The following SYT17 variants were observed in gnomAD, a reference collection of about 807,000 sequenced individuals.
SYT17 encodes the protein synaptotagmin-17.
SYT17 carries 22 observed loss-of-function variants against 46.7 expected under a neutral mutation model. The ratio of observed to expected loss-of-function variants is 0.47; its 90% CI spans 0.34 to 0.67. SYT17 has a LOEUF of 0.67. Among genes scored for constraint, SYT17 ranks in the 30% least tolerant of loss-of-function variants. The pLI is 0.01. For missense variants in SYT17, 519 were observed against 612.8 expected, an observed-to-expected ratio of 0.85 and a Z score of 1.62; for synonymous variants, 251 against 248.4, an observed-to-expected ratio of 1.01 and a Z score of -0.10.
At chr16:19,211,154 C>T (rs183579378) in intron 5 of SYT17, 9 of 389,094 alleles carry the variant, frequency 2.3e-5, no homozygotes, top group African/African-American at 6.2e-5. Context: ...CCAAATTAAG[C>T]GCATCGGGCT....
intron 7 of SYT17, among the ~76,000 whole-genome samples, chr16:19,228,558 A>T (rs1271690869): frequency 6.6e-6 from 1 of 152,210 alleles, no homozygotes; most frequent in Non-Finnish European, 1.5e-5. Context: ...GACTAGGCTG[A>T]GGCACTGAGC....
At chr16:19,178,790 A>T (rs1177559662) in intron 3 of SYT17, among the ~76,000 whole-genome samples, 1 of 152,182 alleles carries the variant, frequency 6.6e-6, no homozygotes, top group Non-Finnish European at 1.5e-5. Context: ...TAGCAGCATC[A>T]GTCTCAAAAC....
At chr16:19,249,832 C>A in intron 7 of SYT17, 1 of 1,156,550 alleles carries the variant, frequency 8.6e-7, no homozygotes, top group Non-Finnish European at 1.2e-6. Flanking sequence ...TTATTGGAGT[C>A]ATTGGGATAA....
chr16:19,226,081 T>C (rs1382997511), intron 7 of SYT17, among the ~76,000 whole-genome samples: 1 of 152,142 alleles, frequency 6.6e-6, no homozygotes, highest in African/African-American at 2.4e-5. Flanking sequence ...TGTACTTCCC[T>C]ATATCATTGC....
Position 19,183,465 on chromosome 16 carries a change from G to T in SYT17, c.332-63G>T. On this transcript the variant is annotated intron_variant, in intron 4 of 7. Coordinates refer to ENST00000355377, the MANE Select transcript of SYT17 (RefSeq NM_016524.4). This position sits in a 1 kb window ranked among gnomAD's most constrained non-coding sequence, Gnocchi z 5.6. ...AAACAATGCAAGAATCTGCTTACCT[G>T]CAAAGTGGCCCAGGTCTGCCCCGTA... 1 of 1,588,584 alleles carries T rather than the reference G, an allele frequency of 6.3e-7. No individual in the cohort carries two copies. Among genetic ancestry groups the T allele is most frequent in the South Asian group, 1.1e-5 (1 of 88,276 alleles).
chr16:19,221,186 CA>C (rs575577083), intron 5 of SYT17, among the ~76,000 whole-genome samples: 3,800 of 62,922 alleles, frequency 0.06, 31 homozygotes, highest in Non-Finnish European at 0.076. Flanking sequence ...GACCTTGTCT[CA>C]AAAAAAAAAA....
At chr16:19,213,746 C>T (rs1022971361) in intron 5 of SYT17, among the ~76,000 whole-genome samples, 2 of 151,532 alleles carry the variant, frequency 1.3e-5, no homozygotes, top group African/African-American at 4.9e-5. Context: ...CCCAGGCTGG[C>T]CTCAAACTCC....
At chr16:19,215,485 C>A (rs1414098268) in intron 5 of SYT17, among the ~76,000 whole-genome samples, 1 of 152,138 alleles carries the variant, frequency 6.6e-6, no homozygotes, top group Non-Finnish European at 1.5e-5. Flanking sequence ...TATCATAGTT[C>A]ACTGCAGCCT....
intron 7 of SYT17, among the ~76,000 whole-genome samples, chr16:19,258,053 C>T (rs545092766): frequency 1.3e-5 from 2 of 152,104 alleles, no homozygotes; most frequent in South Asian, 4.2e-4. Flanking sequence ...ACTAAATTAG[C>T]GACCAAATAA....
chr16:19,206,388 G>A lies in SYT17; in HGVS notation c.952-16657G>A, dbSNP rs559570016. 5.9e-5 allele frequency among the ~76,000 whole-genome samples: 9 copies of A among 152,324 alleles called. No individual in the cohort carries two copies. The East Asian group carries it at 1.2e-3, about 20-fold the overall frequency. On this transcript the variant is annotated intron_variant, in intron 5 of 7. Coordinates refer to ENST00000355377, the MANE Select transcript of SYT17 (RefSeq NM_016524.4). ...GGAGGAAAGGAATGAGGCTCAGAGA[G>A]GTTCAGCGGCATGGCTGAGGTCACA...
In SYT17 at chr16:19,240,910, G is replaced by A. The variant is rs576743162; in HGVS notation, c.1228+16072G>A. 1.5e-3 allele frequency among the ~76,000 whole-genome samples: 228 copies of A among 151,736 alleles called. 1 individual carries two copies. Among genetic ancestry groups the A allele is most frequent in the African/African-American group, 5.2e-3 (214 of 41,416 alleles). On this transcript the variant is annotated intron_variant, in intron 7 of 7. Coordinates refer to ENST00000355377, the MANE Select transcript of SYT17 (RefSeq NM_016524.4). ...CACTACCCCAAGCATGTGCACACCC[G>A]GCCAGGCTGCCACAGCACCTAGGCT...
chr16:19,264,704 A>G (rs1285249645), intron 7 of SYT17, among the ~76,000 whole-genome samples: 1 of 150,848 alleles, frequency 6.6e-6, no homozygotes, highest in Non-Finnish European at 1.5e-5. Flanking sequence ...TGATCCTCCC[A>G]CCTCAGCCTC....
intron 7 of SYT17, among the ~76,000 whole-genome samples, chr16:19,256,437 A>AACACAAACACAC (rs1318319831): frequency 1.6e-5 from 2 of 128,978 alleles, no homozygotes; most frequent in Non-Finnish European, 3.2e-5. Context: ...CCCCTCTTCA[A>AACACAAACACAC]ACACACACAC....
At chr16:19,170,051 GC>G (rs1964021341) in intron 1 of SYT17, 1 of 152,184 alleles carries the variant, frequency 6.6e-6, no homozygotes, top group African/African-American at 2.4e-5. Flanking sequence ...ATCTCATATG[GC>G]GATGACCCAG....
intron 3 of SYT17, chr16:19,180,098 GGC>G: frequency 3.2e-6 from 1 of 312,138 alleles, no homozygotes; most frequent in African/African-American, 2.1e-5. Context: ...GCCCCCACGT[GGC>G]GACAGCTTAA....
At chr16:19,262,295 T>C (rs1301037207) in intron 7 of SYT17, among the ~76,000 whole-genome samples, 1 of 152,204 alleles carries the variant, frequency 6.6e-6, no homozygotes, top group Non-Finnish European at 1.5e-5. Context: ...GGTGCCCTTA[T>C]AACAGAAACC....
chr16:19,194,817 C>T (rs547913476), intron 5 of SYT17, among the ~76,000 whole-genome samples: 63 of 152,212 alleles, frequency 4.1e-4, no homozygotes, highest in African/African-American at 1.4e-3. Context: ...AGGCTGGTCT[C>T]GAACTCCTGA....
intron 7 of SYT17, among the ~76,000 whole-genome samples, chr16:19,252,842 A>G (rs1225329315): frequency 6.6e-6 from 1 of 151,958 alleles, no homozygotes; most frequent in East Asian, 1.9e-4. Flanking sequence ...CCCCTCCCCC[A>G]TCACTATAGT....
chr16:19,199,709 C>A (rs1240437035), intron 5 of SYT17, among the ~76,000 whole-genome samples: 2 of 152,000 alleles, frequency 1.3e-5, no homozygotes, highest in East Asian at 1.9e-4. Flanking sequence ...GTACTTCCAA[C>A]CTGAGTGACA....
Sources: allele counts gnomAD v4.1 joint callset (sites outside exome capture counted in the v4.1 genomes callset), GRCh38; gene constraint gnomAD v4.1.1; non-coding constraint Gnocchi (gnomAD v3.1); transcripts MANE v1.5; gene names NCBI Gene and HGNC (gene_info 2026-07-23, HGNC 2026-07-21).